Variants in RBMS1 observed in about 807,000 individuals in gnomAD.
RBMS1 encodes the protein RNA-binding motif, single-stranded-interacting protein 1.
Under a neutral mutation model 62.3 loss-of-function variants are expected in RBMS1, and 17 were observed. The ratio of observed to expected loss-of-function variants is 0.27; its 90% CI spans 0.19 to 0.41. The LOEUF (loss-of-function observed/expected upper bound fraction) is 0.41. Ranked by LOEUF, RBMS1 falls within the 10% of genes least tolerant of loss-of-function variation. The pLI is 1.00. For missense variants in RBMS1, 334 were observed against 504.5 expected, an observed-to-expected ratio of 0.66 and a Z score of 3.24; for synonymous variants, 172 against 170.0, an observed-to-expected ratio of 1.01 and a Z score of -0.09.
At chr2:160,319,229 A>AACTT (rs1690407184) in intron 2 of RBMS1, among the ~76,000 whole-genome samples, 1 of 152,154 alleles carries the variant, frequency 6.6e-6, no homozygotes, top group African/African-American at 2.4e-5. Flanking sequence ...AATCAAAGTA[A>AACTT]GGCTGGGCAC....
chr2:160,304,957 C>T (rs12692591), intron 4 of RBMS1, among the ~76,000 whole-genome samples: 29,973 of 152,054 alleles, frequency 0.2, 3,543 homozygotes, highest in Admixed American at 0.36. Context: ...CGGGTTCAAG[C>T]GATTCTCCTG....
intron 1 of RBMS1, 183 bp downstream of exon 1, chr2:160,493,106 A>T: frequency 3.5e-6 from 2 of 565,690 alleles, no homozygotes; most frequent in Non-Finnish European, 6.0e-6. Context: ...CTCCGCTCCC[A>T]GGGAAGCCGC....
At chr2:160,316,709 T>C (rs907496013) in intron 3 of RBMS1, among the ~76,000 whole-genome samples, 2 of 152,164 alleles carry the variant, frequency 1.3e-5, no homozygotes, top group African/African-American at 2.4e-5. Flanking sequence ...TTTACTTAAA[T>C]TAGGGCAGCT....
At chr2:160,280,383 C>G (rs955598596) in intron 10 of RBMS1, among the ~76,000 whole-genome samples, 2 of 152,190 alleles carry the variant, frequency 1.3e-5, no homozygotes, top group African/African-American at 4.8e-5. Context: ...CATGTTTTAT[C>G]TGCTTCTTAA....
chr2:160,401,070 G>GA (rs1232960873), intron 1 of RBMS1, among the ~76,000 whole-genome samples: 1 of 151,958 alleles, frequency 6.6e-6, no homozygotes, highest in Non-Finnish European at 1.5e-5. Context: ...CTGGATGGTT[G>GA]AAAAAAATGT....
intron 1 of RBMS1, among the ~76,000 whole-genome samples, chr2:160,473,302 T>C (rs778099256): frequency 6.6e-6 from 1 of 152,218 alleles, no homozygotes; most frequent in Non-Finnish European, 1.5e-5. Context: ...TTACAGATTC[T>C]TGTGTTAAGG....
chr2:160,324,897 TATATATATATACACAC>T (rs1559383474), intron 2 of RBMS1, among the ~76,000 whole-genome samples: 3 of 118,980 alleles, frequency 2.5e-5, no homozygotes, highest in African/African-American at 1.0e-4. Flanking sequence ...TATATATATA[TATATATATATACACAC>T]ACACACACAC....
chr2:160,415,090 G>T (rs563392386), intron 1 of RBMS1, among the ~76,000 whole-genome samples: 1 of 151,692 alleles, frequency 6.6e-6, no homozygotes, highest in Non-Finnish European at 1.5e-5. Context: ...TTGACTGGAC[G>T]ATGTCTCAAT....
At chr2:160,469,246 C>A (rs1301239742) in intron 1 of RBMS1, among the ~76,000 whole-genome samples, 3 of 152,198 alleles carry the variant, frequency 2.0e-5, no homozygotes, top group Non-Finnish European at 4.4e-5. Context: ...TCTTTCATTG[C>A]ACTTGCAATC....
At chr2:160,487,498 T>A (rs930657859) in intron 1 of RBMS1, among the ~76,000 whole-genome samples, 2 of 152,236 alleles carry the variant, frequency 1.3e-5, no homozygotes, top group Non-Finnish European at 2.9e-5. Context: ...AAGAATGATG[T>A]ACTGGGGTCA....
intron 1 of RBMS1, among the ~76,000 whole-genome samples, chr2:160,391,035 G>A (rs768969570): frequency 2.0e-5 from 3 of 151,794 alleles, no homozygotes; most frequent in Non-Finnish European, 4.4e-5. Context: ...CCCAGTTGAT[G>A]AATTTTGCCT....
intron 10 of RBMS1, 30 bp from the exon 11 acceptor site, chr2:160,278,688 G>T (rs1479290756): frequency 7.2e-7 from 1 of 1,396,878 alleles, no homozygotes; most frequent in African/African-American, 1.4e-5. Context: ...AGCAAAATTA[G>T]ACAAACTGAG....
intron 1 of RBMS1, among the ~76,000 whole-genome samples, chr2:160,426,216 CAGAAGAAAGAAA>C (rs1682564257): frequency 1.5e-5 from 1 of 65,330 alleles, no homozygotes; most frequent in Non-Finnish European, 3.2e-5. Flanking sequence ...GAGAGAGAGA[CAGAAGAAAGAAA>C]GAAAGAAAGA....
At chr2:160,394,256 G>T (rs1695019333) in intron 1 of RBMS1, among the ~76,000 whole-genome samples, 1 of 152,192 alleles carries the variant, frequency 6.6e-6, no homozygotes, top group Non-Finnish European at 1.5e-5. Context: ...ACAGCAGTGT[G>T]TTCCTCACAG....
chr2:160,438,742 G>A (rs1683231550), intron 1 of RBMS1, among the ~76,000 whole-genome samples: 1 of 152,184 alleles, frequency 6.6e-6, no homozygotes, highest in Non-Finnish European at 1.5e-5. Flanking sequence ...AACCGCCATT[G>A]TCATCATGGC....
intron 1 of RBMS1, among the ~76,000 whole-genome samples, chr2:160,482,194 G>A (rs999349668): frequency 1.3e-5 from 2 of 151,932 alleles, no homozygotes; most frequent in African/African-American, 4.8e-5. Context: ...AAGGAGCTAA[G>A]GAGGCCAGAC....
chr2:160,374,246 C>A (rs1693878363), intron 1 of RBMS1, among the ~76,000 whole-genome samples: 1 of 152,018 alleles, frequency 6.6e-6, no homozygotes, highest in Non-Finnish European at 1.5e-5. Context: ...CAGAGCGAGA[C>A]CTTGTCTCAA....
chr2:160,434,416 A>T (rs1296725770), intron 1 of RBMS1, among the ~76,000 whole-genome samples: 1 of 152,114 alleles, frequency 6.6e-6, no homozygotes, highest in Non-Finnish European at 1.5e-5. Context: ...CATGAGTGTG[A>T]GCTCCTTTTC....
intron 1 of RBMS1, among the ~76,000 whole-genome samples, chr2:160,405,262 T>TC: frequency 6.6e-6 from 1 of 152,018 alleles, no homozygotes; most frequent in Non-Finnish European, 1.5e-5. Flanking sequence ...ATTCCATTTT[T>TC]TTTTTTTCTG....
Sources: allele counts gnomAD v4.1 joint callset (sites outside exome capture counted in the v4.1 genomes callset), GRCh38; gene constraint gnomAD v4.1.1; transcripts MANE v1.5; gene names NCBI Gene and HGNC (gene_info 2026-07-23, HGNC 2026-07-21).